Variants in RNF144B observed in about 807,000 individuals in gnomAD.
RNF144B encodes E3 ubiquitin-protein ligase RNF144B.
In RNF144B, 25 loss-of-function variants were observed where a neutral mutation model predicts 40.2. The observed-to-expected ratio is 0.62, with a 90% CI of 0.45 to 0.87. RNF144B has a LOEUF of 0.87. Ranked by LOEUF, RNF144B falls within the 40% of genes least tolerant of loss-of-function variation. The probability of loss-of-function intolerance (pLI) is 0.00; values close to 1 mark genes in which losing one functional copy is unlikely to be tolerated. For missense variants in RNF144B, 365 were observed against 373.7 expected (o/e 0.98, Z 0.19); for synonymous variants, 145 against 136.3 (o/e 1.06, Z -0.44).
At chr6:18,415,785 A>C (rs1795138013) in intron 2 of RNF144B, among the ~76,000 whole-genome samples, 1 of 151,672 alleles carries the variant, frequency 6.6e-6, no homozygotes, top group Non-Finnish European at 1.5e-5. Flanking sequence ...TCAGGTGACT[A>C]GCATAGCCGT....
Position 18,447,039 on chromosome 6 carries a change from C to CTGTGTATGTGCATG in RNF144B, c.331+7306_331+7319dup, listed in dbSNP as rs1759100432. Among the ~76,000 whole-genome samples, 3 of 151,704 alleles carry CTGTGTATGTGCATG rather than the reference C, an allele frequency of 2.0e-5. No individual in the cohort carries two copies. The highest frequency in any genetic ancestry group is 2.0e-4 in the Admixed American group (3 of 15,194). On this transcript the variant is annotated intron_variant, in intron 4 of 7. Transcript: ENST00000259939. This position sits in a 1 kb window ranked among gnomAD's most constrained non-coding sequence, Gnocchi z 5.6. ...GACAAAATCCCTGCCCTAAAGGATC[C>CTGTGTATGTGCATG]TGTGTATGTGCATGTGTGTATGTGG...
At chr6:18,462,333 C>T (rs1040818574) in intron 6 of RNF144B, among the ~76,000 whole-genome samples, 1 of 152,166 alleles carries the variant, frequency 6.6e-6, no homozygotes, top group African/African-American at 2.4e-5. Context: ...TTTAGCATAC[C>T]TAGATTCTCT....
chr6:18,453,211 T>A (rs1347280310), intron 4 of RNF144B, among the ~76,000 whole-genome samples: 1 of 148,636 alleles, frequency 6.7e-6, no homozygotes, highest in African/African-American at 2.5e-5. Flanking sequence ...CGATCTTGGT[T>A]CACTGCAACC....
In RNF144B at chr6:18,460,874, G is replaced by A. The variant is rs1759436502; in HGVS notation, c.681+1123G>A. On this transcript the variant is annotated intron_variant, in intron 6 of 7. Coordinates refer to ENST00000259939, the MANE Select transcript of RNF144B (RefSeq NM_182757.4). The surrounding 1 kb of genome is among the most constrained non-coding windows in gnomAD (Gnocchi z 4.4). ...TCTTTTAAAGTTTGGGGTAACATAA[G>A]TTGTTTATAGATAACACTCTGTTTT... Among the ~76,000 whole-genome samples, 2 of 152,188 alleles carry A rather than the reference G, an allele frequency of 1.3e-5. No individual in the cohort carries two copies. The highest frequency in any genetic ancestry group is 3.9e-4 in the East Asian group (2 of 5,192).
intron 2 of RNF144B, among the ~76,000 whole-genome samples, chr6:18,409,232 G>A (rs1451770854): frequency 6.6e-6 from 1 of 151,658 alleles, no homozygotes; most frequent in African/African-American, 2.4e-5. Context: ...ACAAAAATTT[G>A]CCAGGCACAG....
At chr6:18,451,494 A>G (rs568584944) in intron 4 of RNF144B, among the ~76,000 whole-genome samples, 1 of 152,324 alleles carries the variant, frequency 6.6e-6, no homozygotes, top group East Asian at 1.9e-4. Context: ...GGAGAAAGAA[A>G]GCAGTATTGA....
At position 18,460,275 on chromosome 6, in the gene RNF144B, ATCAGATCTC is replaced by A. The variant is rs1759421474; in HGVS notation, c.681+528_681+536del. ...TTCCTCCATCTTCAAAGCCAGCAAC[ATCAGATCTC>A]TCACTCCCTTCTTTCTTAGTCGTTG... On this transcript the variant is annotated intron_variant, in intron 6 of 7. Transcript: ENST00000259939. This position sits in a 1 kb window ranked among gnomAD's most constrained non-coding sequence, Gnocchi z 4.4. Among the ~76,000 whole-genome samples the A allele has an allele frequency of 1.3e-5, 2 of 152,182 alleles. No individual in the cohort carries two copies. Among genetic ancestry groups the A allele is most frequent in the South Asian group, 4.1e-4 (2 of 4,828 alleles).
In RNF144B at chr6:18,416,699, T is replaced by A. The variant is rs1469302251; in HGVS notation, c.166-10882T>A. 6.6e-6 allele frequency among the ~76,000 whole-genome samples: 1 copy of A among 152,182 alleles called. No homozygotes were observed. Among genetic ancestry groups the A allele is most frequent in the Non-Finnish European group, 1.5e-5 (1 of 68,034 alleles). Reference sequence around the variant, plus strand: ...GAGTTTTAAATTTTGCATATATAATTTCCCCCTTAAGCTTCCTTTGCTGTT... The same window carrying A: ...GAGTTTTAAATTTTGCATATATAATATCCCCCTTAAGCTTCCTTTGCTGTT... On this transcript the variant is annotated intron_variant, in intron 2 of 7. Coordinates refer to ENST00000259939, the MANE Select transcript of RNF144B (RefSeq NM_182757.4). This position sits in a 1 kb window ranked among gnomAD's most constrained non-coding sequence, Gnocchi z 5.5.
At chr6:18,439,652 G>A in intron 3 of RNF144B, 32 bp from the exon 4 acceptor site, 2 of 1,542,208 alleles carry the variant, frequency 1.3e-6, no homozygotes, top group South Asian at 1.1e-5. Flanking sequence ...TATGATGACT[G>A]AAGTCTCAAC....
At chr6:18,423,095 A>G (rs1246746341) in intron 2 of RNF144B, among the ~76,000 whole-genome samples, 1 of 152,148 alleles carries the variant, frequency 6.6e-6, no homozygotes, top group East Asian at 1.9e-4. Context: ...ATGCCTGCCT[A>G]TTCAGAAACA....
intron 2 of RNF144B, among the ~76,000 whole-genome samples, chr6:18,401,394 T>A (rs1308307829): frequency 6.6e-6 from 1 of 152,214 alleles, no homozygotes; most frequent in Non-Finnish European, 1.5e-5. Flanking sequence ...TTCCTCATTG[T>A]TAGGGAGTGC....
At chr6:18,417,509 C>A (rs2113485279) in intron 2 of RNF144B, among the ~76,000 whole-genome samples, 1 of 152,210 alleles carries the variant, frequency 6.6e-6, no homozygotes, top group Middle Eastern at 3.4e-3. Context: ...TGGTGCTGGA[C>A]AACTGGATAT....
At chr6:18,396,891 G>C in intron 1 of RNF144B, 1 of 894,222 alleles carries the variant, frequency 1.1e-6, no homozygotes, top group African/African-American at 1.8e-5. Context: ...TCAAAATCCT[G>C]AATTTGACGT....
Position 18,457,179 on chromosome 6 carries a change from C to T in RNF144B, c.356C>T (p.Thr119Ile), listed in dbSNP as rs1013724453. 1 of 1,613,830 alleles carries T rather than the reference C, an allele frequency of 6.2e-7. No homozygotes were observed. The highest frequency in any genetic ancestry group is 1.7e-5 in the Admixed American group (1 of 60,032). The change falls in exon 5 of 8, where the codon ACA (threonine) becomes ATA (isoleucine). Residue 119 changes from threonine to isoleucine, a missense_variant. Coordinates refer to ENST00000259939, the MANE Select transcript of RNF144B (RefSeq NM_182757.4). This position sits in a 1 kb window ranked among gnomAD's most constrained non-coding sequence, Gnocchi z 5.1. The stretch of plus-strand genomic sequence containing the variant: ...GAAGTTCATCTGGACCCCTACCGAA[C>T]ATGGTGTCCTGTTGCAGACTGTCAG... ...EREVHLDPYR[T>I]WCPVADCQTV...
chr6:18,438,430 C>T (rs935663095), intron 3 of RNF144B, among the ~76,000 whole-genome samples: 1 of 151,950 alleles, frequency 6.6e-6, no homozygotes, highest in African/African-American at 2.4e-5. Flanking sequence ...CATTTTCTCC[C>T]CAACTGGAGA....
At chr6:18,453,259 C>T (rs1438042053) in intron 4 of RNF144B, among the ~76,000 whole-genome samples, 1 of 151,310 alleles carries the variant, frequency 6.6e-6, no homozygotes, top group Non-Finnish European at 1.5e-5. Context: ...CTGCCTCAGC[C>T]TCCCTAGTAG....
At chr6:18,421,785 T>C (rs955566994) in intron 2 of RNF144B, among the ~76,000 whole-genome samples, 2 of 152,134 alleles carry the variant, frequency 1.3e-5, no homozygotes, top group African/African-American at 4.8e-5. Flanking sequence ...CTTAGGGTGC[T>C]ATGAGGGCAG....
At chr6:18,452,912 G>C (rs1011849175) in intron 4 of RNF144B, among the ~76,000 whole-genome samples, 1 of 151,938 alleles carries the variant, frequency 6.6e-6, no homozygotes, top group Non-Finnish European at 1.5e-5. Flanking sequence ...AGCCTCTCAA[G>C]TAGCTGGGAC....
chr6:18,401,193 C>T (rs138863472), intron 2 of RNF144B, among the ~76,000 whole-genome samples: 14 of 152,246 alleles, frequency 9.2e-5, no homozygotes, highest in African/African-American at 2.9e-4. Flanking sequence ...TAAGCGTGTG[C>T]GTCAACATTG....
Sources: allele counts gnomAD v4.1 joint callset (sites outside exome capture counted in the v4.1 genomes callset), GRCh38; gene constraint gnomAD v4.1.1; non-coding constraint Gnocchi (gnomAD v3.1); transcripts MANE v1.5; gene names NCBI Gene and HGNC (gene_info 2026-07-23, HGNC 2026-07-21).